The following CSPG4 variants were observed in gnomAD, a reference collection of about 807,000 sequenced individuals.
CSPG4 encodes chondroitin sulfate proteoglycan 4, also known as chondroitin sulfate proteoglycan 4 (melanoma-associated).
A neutral mutation model predicts 139.3 loss-of-function variants in CSPG4; 74 were observed. The observed-to-expected ratio is 0.53, with a 90% CI of 0.44 to 0.64. CSPG4 has a LOEUF of 0.64. Among genes scored for constraint, CSPG4 ranks in the 30% least tolerant of loss-of-function variants. The pLI, the probability that CSPG4 is intolerant of heterozygous loss-of-function variation, is 0.00. For synonymous variants in CSPG4, 1,234 were observed against 1,394.2 expected (o/e 0.89, Z 2.56); for missense variants, 2,565 against 3,148.3 (o/e 0.81, Z 4.43).
intron 1 of CSPG4, among the ~76,000 whole-genome samples, chr15:75,700,635 T>C (rs539816778): frequency 6.6e-6 from 1 of 152,186 alleles, no homozygotes; most frequent in African/African-American, 2.4e-5. Flanking sequence ...CCAGGCTCTC[T>C]CCTGGGCTGT....
At chr15:75,678,001 G>A in intron 8 of CSPG4, 115 bp from the exon 9 acceptor site, 2 of 925,898 alleles carry the variant, frequency 2.2e-6, no homozygotes, top group South Asian at 1.8e-5. Context: ...GCCCAGGTCT[G>A]TGCGTGTGAC....
rs779075757 is a variant in CSPG4 at position 75,675,692 on chromosome 15, C to T, written c.6827G>A (p.Arg2276His). 13 of 1,559,462 alleles carry T rather than the reference C, an allele frequency of 8.3e-6. No homozygotes were observed. Among genetic ancestry groups the T allele is most frequent in the East Asian group, 2.3e-5 (1 of 44,284 alleles). The change falls in exon 10 of 10, where the codon CGC (arginine) becomes CAC (histidine). Residue 2276 changes from arginine to histidine, a missense_variant. By Grantham distance (29) the Arg-to-His change is conservative. Transcript: ENST00000308508. The part of the protein sequence containing the change: ...NGLAGDTETF[R>H]KVEPGQAIPL... Reference sequence around the variant, plus strand: ...GATGGCCTGGCCTGGCTCCACCTTGCGAAAGGTCTCGGTGTCACCAGCCAG... The same window carrying T: ...GATGGCCTGGCCTGGCTCCACCTTGTGAAAGGTCTCGGTGTCACCAGCCAG...
chr15:75,685,746 G>T, intron 3 of CSPG4, 45 bp from the exon 4 acceptor site: 1 of 1,538,012 alleles, frequency 6.5e-7, no homozygotes, highest in Non-Finnish European at 8.7e-7. Context: ...CCACAGAGGG[G>T]GTCTCAGAGG....
At position 75,681,313 on chromosome 15, in the gene CSPG4, A is replaced by G. The variant is rs530692873; in HGVS notation, c.4950+980T>C. On this transcript the variant is annotated intron_variant, in intron 8 of 9. Coordinates refer to ENST00000308508, the MANE Select transcript of CSPG4 (RefSeq NM_001897.5). ...TTTGCACTTGCTGAATACCATCTGCACCTCTCAGGAGGGAGAGTGCCAGGC... is the reference window on the plus strand; with the variant it reads ...TTTGCACTTGCTGAATACCATCTGCGCCTCTCAGGAGGGAGAGTGCCAGGC... 3.9e-5 allele frequency among the ~76,000 whole-genome samples: 6 copies of G among 151,948 alleles called. No homozygotes were observed. In the South Asian group the frequency reaches 6.3e-4, roughly 16 times the overall value.
At chr15:75,692,891 G>A (rs752119962) in intron 2 of CSPG4, among the ~76,000 whole-genome samples, 179 bp downstream of exon 2, 5,692 of 141,956 alleles carry the variant, frequency 0.04, no homozygotes, top group African/African-American at 0.15. Context: ...AGTGGGCAGA[G>A]CCAGTTCATG....
chr15:75,712,512 T>C (rs1216461667), intron 1 of CSPG4, among the ~76,000 whole-genome samples, 156 bp downstream of exon 1: 1 of 152,118 alleles, frequency 6.6e-6, no homozygotes, highest in South Asian at 2.1e-4. Context: ...CGCCCCAGGA[T>C]TGAACCCCTG....
chr15:75,688,092 C>G lies in CSPG4; in HGVS notation c.2973G>C (p.Gln991His). 6.2e-7 allele frequency: 1 copy of G among 1,612,880 alleles called. No homozygotes were observed. The highest frequency in any genetic ancestry group is 1.1e-5 in the South Asian group (1 of 91,082). Reference protein sequence around the residue: ...EDDIPFVATRQGESSGDMAWE... With the variant: ...EDDIPFVATRHGESSGDMAWE... ...AGGCCATGTCACCACTGCTCTCGCC[C>G]TGGCGGGTAGCAACAAATGGGATAT... The change falls in exon 3 of 10, where the codon CAG (glutamine) becomes CAC (histidine). Residue 991 changes from glutamine (Q) to histidine (H), a missense_variant. Physicochemically the swap from Gln to His is conservative, Grantham distance 24. Coordinates refer to ENST00000308508, the MANE Select transcript of CSPG4 (RefSeq NM_001897.5).
intron 1 of CSPG4, among the ~76,000 whole-genome samples, chr15:75,695,794 AG>A (rs1894219434): frequency 1.3e-5 from 2 of 152,062 alleles, no homozygotes; most frequent in Admixed American, 6.6e-5. Context: ...AGGGAGGAAT[AG>A]GCAGTCTCAG....
chr15:75,695,966 G>A (rs190516460), intron 1 of CSPG4, among the ~76,000 whole-genome samples: 2 of 152,318 alleles, frequency 1.3e-5, no homozygotes, highest in East Asian at 1.9e-4. Context: ...GCTCGGCTGC[G>A]TGACTGGGGC....
chr15:75,675,651 G>C lies in CSPG4; in HGVS notation c.6868C>G (p.Pro2290Ala). 1 of 1,528,562 alleles carries C rather than the reference G, an allele frequency of 6.5e-7. No individual in the cohort carries two copies. The highest frequency in any genetic ancestry group is 8.8e-7 in the Non-Finnish European group (1 of 1,137,484). 94.7% of individuals were successfully genotyped at this position (1,528,562 alleles called of 1,614,324 possible). A position where few individuals can be genotyped will look rare whatever the true frequency, so the allele number is the denominator to read the frequency against. Residue 2290 changes from proline (P) to alanine (A), a missense_variant, in exon 10 of 10, where the codon CCT becomes GCT. Around this residue, in one of 5 missense-constraint regions of CSPG4, gnomAD observed 2,316 missense variants for 2,818.2 expected, o/e 0.82. Coordinates refer to ENST00000308508, the MANE Select transcript of CSPG4 (RefSeq NM_001897.5). The stretch of plus-strand genomic sequence containing the variant: ...CCTCCTGGAGGGGGCCCCTGGCCAG[G>C]CACAGCTGTGAGCGGGATGGCCTGG... ...PGQAIPLTAV[P>A]GQGPPPGGQP...
chr15:75,676,523 GCCGAGGTGGGCCGCCCGC>G lies in CSPG4; in HGVS notation c.5978_5995del (p.Gly1993_Ser1998del). On this transcript the variant is annotated inframe_deletion, in exon 10 of 10. Transcript: ENST00000308508. ...CTGGTCTATCTGGAATTGGCTGAAG[GCCGAGGTGGGCCGCCCGC>G]CCACCAGGAGATGCCCATACTGGGG... 1 of 1,613,702 alleles carries G rather than the reference GCCGAGGTGGGCCGCCCGC, an allele frequency of 6.2e-7. No homozygotes were observed. Among genetic ancestry groups the G allele is most frequent in the South Asian group, 1.1e-5 (1 of 91,090 alleles).
In CSPG4 at chr15:75,682,486, A is replaced by G. The variant is rs376838138; in HGVS notation, c.4784-27T>C. 14 of 1,571,260 alleles carry G rather than the reference A, an allele frequency of 8.9e-6. No individual in the cohort carries two copies. The African/African-American group carries it at 9.4e-5, about 11-fold the overall frequency. On this transcript the variant is annotated intron_variant, in intron 7 of 9. Coordinates refer to ENST00000308508, the MANE Select transcript of CSPG4 (RefSeq NM_001897.5). ...TGCCAGAGGCAAAAGGGGATATCAGATTTTGACTGGGAGCCAGGTCCAGGC... is the reference window on the plus strand; with the variant it reads ...TGCCAGAGGCAAAAGGGGATATCAGGTTTTGACTGGGAGCCAGGTCCAGGC...
Position 75,676,328 on chromosome 15 carries a change from T to C in CSPG4, c.6191A>G (p.Asp2064Gly). The change falls in exon 10 of 10, where the codon GAC becomes GGC. Residue 2064 changes from aspartate to glycine, a missense_variant. Around this residue, in one of 5 missense-constraint regions of CSPG4, gnomAD observed 2,316 missense variants for 2,818.2 expected, o/e 0.82. Transcript: ENST00000308508. The stretch of plus-strand genomic sequence containing the variant: ...CTCGCCAGCATCTAGGACGGTGGGG[T>C]CCAGGCGCAGGGTGGCACCCTGGGG... ...PWPQGATLRL[D>G]PTVLDAGELA... 6.2e-7 allele frequency: 1 copy of C among 1,611,508 alleles called. No individual in the cohort carries two copies. Among genetic ancestry groups the C allele is most frequent in the Non-Finnish European group, 8.5e-7 (1 of 1,179,646 alleles).
chr15:75,674,922 A>G lies in CSPG4; in HGVS notation c.*628T>C, dbSNP rs1344037891. ...ATAGCTTCCTTGCAATCTCCCTTAA[A>G]TAAACCCATCCCCAGAGCAACCTAC... On this transcript the variant is annotated 3_prime_UTR_variant, in exon 10 of 10. Coordinates refer to ENST00000308508, the MANE Select transcript of CSPG4 (RefSeq NM_001897.5). 1 of 397,858 alleles carries G rather than the reference A, an allele frequency of 2.5e-6. No homozygotes were observed. The allele number at this position is 397,858 out of a possible 1,614,324, so 24.6% of individuals were successfully genotyped here.
In CSPG4 at chr15:75,677,090, G is replaced by T. The variant is rs1463343782; in HGVS notation, c.5429C>A (p.Ala1810Asp). The change falls in exon 10 of 10, where the codon GCC (alanine) becomes GAC (aspartate). Residue 1810 changes from alanine (A) to aspartate (D), a missense_variant. By Grantham distance (126) the Ala-to-Asp change is moderately radical. Transcript: ENST00000308508. ...FRAHLQGPAG[A>D]SVAGPQTSEA... Reference sequence around the variant, plus strand: ...TGAGGTTTGGGGTCCAGCCACGGAGGCCCCTGCTGGCCCCTGGAGGTGGGC... The same window carrying T: ...TGAGGTTTGGGGTCCAGCCACGGAGTCCCCTGCTGGCCCCTGGAGGTGGGC... 1.4e-6 allele frequency: 2 copies of T among 1,413,230 alleles called. No homozygotes were observed. The allele number at this position is 1,413,230 out of a possible 1,614,324, so 87.5% of individuals were successfully genotyped here.
intron 8 of CSPG4, 101 bp from the exon 9 acceptor site, chr15:75,677,987 G>T: frequency 8.9e-7 from 1 of 1,118,750 alleles, no homozygotes; most frequent in Non-Finnish European, 1.2e-6. Flanking sequence ...GCTCTCCTGG[G>T]TGTGCCCAGG....
In CSPG4 at chr15:75,682,304, T is replaced by C; in HGVS notation, c.4939A>G (p.Thr1647Ala). Residue 1647 changes from threonine to alanine, a missense_variant, in exon 8 of 10, where the codon ACT (threonine) becomes GCT (alanine). Thr to Ala is a moderately conservative substitution (Grantham distance 58, BLOSUM62 0). This residue lies in a region of CSPG4 where 2,316 missense variants were observed against 2,818.2 expected (regional missense o/e 0.82). Coordinates refer to ENST00000308508, the MANE Select transcript of CSPG4 (RefSeq NM_001897.5). ...AGTTGGGCCCTTACCTCTGCCTGAG[T>C]GAAGTTCACCAGGGCCTCCCCTGTG... ...DSTGEALVNF[T>A]QAEVYAGNIL... 1 of 1,596,490 alleles carries C rather than the reference T, an allele frequency of 6.3e-7. No homozygotes were observed. The highest frequency in any genetic ancestry group is 1.1e-5 in the South Asian group (1 of 90,996).
At chr15:75,711,082 C>T (rs1257392538) in intron 1 of CSPG4, among the ~76,000 whole-genome samples, 1 of 152,254 alleles carries the variant, frequency 6.6e-6, no homozygotes. Flanking sequence ...CCTCTGCTTA[C>T]GCCCACCTTG....
At chr15:75,686,135 C>T (rs577101656) in intron 3 of CSPG4, among the ~76,000 whole-genome samples, 2 of 152,332 alleles carry the variant, frequency 1.3e-5, no homozygotes, top group South Asian at 2.1e-4. Context: ...ACCCCACACA[C>T]GGTTGCAGGG....
Sources: allele counts gnomAD v4.1 joint callset (sites outside exome capture counted in the v4.1 genomes callset), GRCh38; gene constraint gnomAD v4.1.1; regional missense constraint gnomAD v4.1.1; transcripts MANE v1.5; gene names NCBI Gene and HGNC (gene_info 2026-07-23, HGNC 2026-07-21).